The following GLDC variants were observed in gnomAD, a reference collection of about 807,000 sequenced individuals.
GLDC encodes the protein glycine dehydrogenase (decarboxylating), mitochondrial.
A neutral mutation model predicts 121.3 loss-of-function variants in GLDC; 104 were observed. The ratio of observed to expected loss-of-function variants is 0.86; its 90% CI spans 0.73 to 1.01. The LOEUF (loss-of-function observed/expected upper bound fraction) is 1.01, where lower values mean the gene tolerates loss of function less well. Ranked by LOEUF, GLDC falls within the 50% of genes least tolerant of loss-of-function variation. GLDC has a pLI of 0.00. For synonymous variants in GLDC, 546 were observed against 480.6 expected, an observed-to-expected ratio of 1.14 and a Z score of -1.78; for missense variants, 1,429 against 1,306.6, an observed-to-expected ratio of 1.09 and a Z score of -1.44.
chr9:6,536,245 G>A lies in GLDC; in HGVS notation c.2666-9C>T, dbSNP rs776573369. 3.7e-6 allele frequency: 6 copies of A among 1,612,014 alleles called. No individual in the cohort carries two copies. The African/African-American group carries it at 6.7e-5, about 18-fold the overall frequency. ...GGTAGGGGCGTGAAATCCTGCAAAG[G>A]GAGACAGGAGAACTTGCCTCACTGA... On this transcript the variant is annotated splice_polypyrimidine_tract_variant and intron_variant, in intron 22 of 24. Coordinates refer to ENST00000321612, the MANE Select transcript of GLDC (RefSeq NM_000170.3).
chr9:6,603,356 C>A (rs1205354798), intron 7 of GLDC, among the ~76,000 whole-genome samples: 1 of 151,946 alleles, frequency 6.6e-6, no homozygotes, highest in Admixed American at 6.6e-5. Flanking sequence ...TGGCTTACAC[C>A]TGGTAATCCG....
chr9:6,556,881 A>G (rs567055576), intron 17 of GLDC, among the ~76,000 whole-genome samples: 1 of 152,300 alleles, frequency 6.6e-6, no homozygotes, highest in South Asian at 2.1e-4. Context: ...ACTATTCACA[A>G]GATTTTTGGA....
chr9:6,608,282 C>A (rs186628455), intron 4 of GLDC, among the ~76,000 whole-genome samples: 424 of 144,864 alleles, frequency 2.9e-3, no homozygotes, highest in African/African-American at 0.011. Context: ...CTTAGCCGGG[C>A]GTGGTGGCGG....
chr9:6,538,711 G>T (rs1214877956), intron 22 of GLDC, among the ~76,000 whole-genome samples: 4 of 152,182 alleles, frequency 2.6e-5, no homozygotes, highest in African/African-American at 9.6e-5. Context: ...ACCTCCCTGT[G>T]AGCCCCTCCT....
intron 21 of GLDC, among the ~76,000 whole-genome samples, chr9:6,548,656 G>A (rs150328930): frequency 3.3e-5 from 5 of 152,104 alleles, no homozygotes; most frequent in East Asian, 1.9e-4. Flanking sequence ...TCCCATAAGC[G>A]CTTTGTTGCT....
chr9:6,586,874 G>T (rs1818282190), intron 15 of GLDC, among the ~76,000 whole-genome samples: 1 of 152,156 alleles, frequency 6.6e-6, no homozygotes, highest in Non-Finnish European at 1.5e-5. Context: ...GAACAAGGAA[G>T]CTCAAGGAAC....
intron 15 of GLDC, among the ~76,000 whole-genome samples, chr9:6,569,686 G>A (rs1817916655): frequency 6.6e-6 from 1 of 151,432 alleles, no homozygotes; most frequent in East Asian, 1.9e-4. Flanking sequence ...GGATGTTGCA[G>A]ACCAGGCACA....
intron 4 of GLDC, among the ~76,000 whole-genome samples, chr9:6,607,917 G>C (rs546578400): frequency 6.6e-6 from 1 of 151,460 alleles, no homozygotes; most frequent in Admixed American, 6.6e-5. Context: ...GAGCTCAGGG[G>C]TTCAAGACCA....
intron 11 of GLDC, among the ~76,000 whole-genome samples, chr9:6,591,463 G>C (rs980903037): frequency 5.3e-5 from 8 of 152,162 alleles, no homozygotes; most frequent in African/African-American, 1.9e-4. Flanking sequence ...TCAGGGCCTA[G>C]CATAGCACCT....
rs187344978 is a variant in GLDC at position 6,622,299 on chromosome 9, C to T, written c.335-1980G>A. Among the ~76,000 whole-genome samples the T allele has an allele frequency of 1.0e-3, 153 of 151,474 alleles. 3 individuals are homozygous for T. The East Asian group carries it at 0.026, about 26-fold the overall frequency. ...CTCTCCCTCTTTCCACGGGCCGAAG[C>T]TGGACTGTGCTGCTGCCATCTTGGC... On this transcript the variant is annotated intron_variant, in intron 2 of 24. Coordinates refer to ENST00000321612, the MANE Select transcript of GLDC (RefSeq NM_000170.3).
chr9:6,551,256 C>G (rs540156674), intron 20 of GLDC, among the ~76,000 whole-genome samples: 2 of 152,108 alleles, frequency 1.3e-5, no homozygotes, highest in Non-Finnish European at 2.9e-5. Flanking sequence ...TGTTTGTTTA[C>G]TATGAATTTG....
intron 17 of GLDC, 159 bp downstream of exon 17, chr9:6,558,400 T>C (rs1006864093): frequency 6.2e-6 from 5 of 807,954 alleles, no homozygotes; most frequent in Non-Finnish European, 1.1e-5. Flanking sequence ...TTTCTCCCTG[T>C]TGGTGATGGG....
At chr9:6,608,371 G>A (rs1309295934) in intron 4 of GLDC, among the ~76,000 whole-genome samples, 4 of 150,336 alleles carry the variant, frequency 2.7e-5, no homozygotes, top group Admixed American at 1.3e-4. Flanking sequence ...GCAGTGAGCC[G>A]AGATAGCGCC....
chr9:6,619,075 AG>A (rs1230689104), intron 3 of GLDC, among the ~76,000 whole-genome samples: 1 of 144,228 alleles, frequency 6.9e-6, no homozygotes, highest in African/African-American at 2.6e-5. Flanking sequence ...CTCGAAGGGC[AG>A]AGGTTGCAGT....
intron 2 of GLDC, among the ~76,000 whole-genome samples, chr9:6,640,947 C>T (rs1394061071): frequency 1.3e-5 from 2 of 152,198 alleles, no homozygotes; most frequent in African/African-American, 4.8e-5. Context: ...TGACACATAT[C>T]CTTCTAGTCC....
At chr9:6,543,368 G>A (rs1010304971) in intron 21 of GLDC, among the ~76,000 whole-genome samples, 2 of 152,158 alleles carry the variant, frequency 1.3e-5, no homozygotes, top group African/African-American at 4.8e-5. Flanking sequence ...GCAGGGAGGG[G>A]AGGAGGGGAG....
At chr9:6,637,228 A>T (rs2130003562) in intron 2 of GLDC, among the ~76,000 whole-genome samples, 1 of 152,056 alleles carries the variant, frequency 6.6e-6, no homozygotes, top group Admixed American at 6.5e-5. Flanking sequence ...AACATGGTGA[A>T]ACCCCGTCTC....
At chr9:6,553,223 C>T (rs952062303) in intron 20 of GLDC, 145 bp downstream of exon 20, 1 of 727,954 alleles carries the variant, frequency 1.4e-6, no homozygotes, top group African/African-American at 1.8e-5. Flanking sequence ...GTTTCTTCCA[C>T]CCAGGCCATC....
chr9:6,563,147 C>T (rs1380082423), intron 16 of GLDC, among the ~76,000 whole-genome samples: 1 of 152,192 alleles, frequency 6.6e-6, no homozygotes, highest in Non-Finnish European at 1.5e-5. Context: ...AAAGAATCCA[C>T]AAGTCACGGA....
Sources: allele counts gnomAD v4.1 joint callset (sites outside exome capture counted in the v4.1 genomes callset), GRCh38; gene constraint gnomAD v4.1.1; transcripts MANE v1.5; gene names NCBI Gene and HGNC (gene_info 2026-07-23, HGNC 2026-07-21).